ZNF169: variants seen among roughly 807,000 people sequenced by gnomAD.
The protein encoded by ZNF169 is zinc finger protein 169.
Under a neutral mutation model 12.0 loss-of-function variants are expected in ZNF169, and 11 were observed. That is an observed-to-expected ratio of 0.92 (90% CI 0.58 to 1.52). ZNF169 has a LOEUF of 1.52. Among genes scored for constraint, ZNF169 ranks in the 40% most tolerant of loss-of-function variants. ZNF169 has a pLI of 0.00. For synonymous variants in ZNF169, 302 were observed against 286.5 expected (o/e 1.05, Z -0.55); for missense variants, 722 against 744.0 (o/e 0.97, Z 0.34).
intron 1 of ZNF169, among the ~76,000 whole-genome samples, chr9:94,269,498 G>T (rs749103491): frequency 4.6e-5 from 7 of 152,174 alleles, no homozygotes; most frequent in Non-Finnish European, 7.3e-5. Flanking sequence ...TCACCCGGCA[G>T]CTGCTGGAAT....
chr9:94,284,281 CG>C (rs759002884), intron 2 of ZNF169, among the ~76,000 whole-genome samples: 4 of 151,554 alleles, frequency 2.6e-5, no homozygotes, highest in Non-Finnish European at 5.9e-5. Context: ...AAAAATTAGC[CG>C]GGCGTGGTGG....
chr9:94,300,207 T>G lies in ZNF169; in HGVS notation c.649T>G (p.Tyr217Asp), dbSNP rs1440805063. 1.2e-6 allele frequency: 2 copies of G among 1,613,992 alleles called. No individual in the cohort carries two copies. The highest frequency in any genetic ancestry group is 2.7e-5 in the African/African-American group (2 of 74,890). Residue 217 changes from tyrosine (Y) to aspartate (D), a missense_variant, in exon 5 of 5, where the codon TAT (tyrosine) becomes GAT (aspartate). Transcript: ENST00000395395. The part of the protein sequence containing the change: ...SESGAVIRGN[Y>D]RLGLSKKSSL... ...ATCTGGAGCAGTCATACGTGGAAAC[T>G]ATAGACTGGGACTTAGCAAAAAGTC...
At chr9:94,278,120 T>A (rs985190911) in intron 1 of ZNF169, among the ~76,000 whole-genome samples, 10 of 152,198 alleles carry the variant, frequency 6.6e-5, no homozygotes, top group African/African-American at 2.4e-4. Flanking sequence ...AATATTTTCA[T>A]TAAGAAAAAA....
At chr9:94,296,913 G>T in intron 4 of ZNF169, 1 of 435,836 alleles carries the variant, frequency 2.3e-6, no homozygotes, top group Admixed American at 2.5e-5. Flanking sequence ...CGAGTGTGGT[G>T]GTGCGCACCT....
At chr9:94,271,563 T>C (rs1383979593) in intron 1 of ZNF169, among the ~76,000 whole-genome samples, 4 of 151,688 alleles carry the variant, frequency 2.6e-5, no homozygotes, top group Non-Finnish European at 5.9e-5. Context: ...CTACTAAAAA[T>C]ACAAAAATTA....
chr9:94,301,461 T>C lies in ZNF169; in HGVS notation c.*91T>C, dbSNP rs1386171152. 1 of 1,450,844 alleles carries C rather than the reference T, an allele frequency of 6.9e-7. No individual in the cohort carries two copies. Among genetic ancestry groups the C allele is most frequent in the Non-Finnish European group, 9.1e-7 (1 of 1,099,770 alleles). The allele number at this position is 1,450,844 out of a possible 1,614,324, so 89.9% of individuals were successfully genotyped here. A position where few individuals can be genotyped will look rare whatever the true frequency, so the allele number is the denominator to read the frequency against. On this transcript the variant is annotated 3_prime_UTR_variant, in exon 5 of 5. Coordinates refer to ENST00000395395, the MANE Select transcript of ZNF169 (RefSeq NM_194320.4). ...TGGAATGGAAAAAAAAAAATGTTGC[T>C]TTCTTTCATCGATCATGAGATAGTT...
At chr9:94,265,261 C>A (rs1163231540) in intron 1 of ZNF169, among the ~76,000 whole-genome samples, 1 of 151,802 alleles carries the variant, frequency 6.6e-6, no homozygotes, top group African/African-American at 2.4e-5. Context: ...AGGGAGAAGG[C>A]CTGGGAATCA....
chr9:94,300,916 CAG>C lies in ZNF169; in HGVS notation c.1359_1360del (p.Lys456AlafsTer6), dbSNP rs753039366. 16 of 1,613,810 alleles carry C rather than the reference CAG, an allele frequency of 9.9e-6. No homozygotes were observed. Among genetic ancestry groups the C allele is most frequent in the East Asian group, 2.2e-5 (1 of 44,842 alleles). On this transcript the variant is annotated frameshift_variant, in exon 5 of 5. Coordinates refer to ENST00000395395, the MANE Select transcript of ZNF169 (RefSeq NM_194320.4). LOFTEE classifies it low-confidence loss of function (END_TRUNC). Reference sequence around the variant, plus strand: ...CTCATTGGACACCAGAGGACACACACAGGGGAGAAGCCCTACCTGTGCCCTGA... The same window carrying C: ...CTCATTGGACACCAGAGGACACACACGGGAGAAGCCCTACCTGTGCCCTGA...
chr9:94,286,232 G>A (rs1024773448), intron 2 of ZNF169, among the ~76,000 whole-genome samples: 1 of 152,196 alleles, frequency 6.6e-6, no homozygotes, highest in Non-Finnish European at 1.5e-5. Context: ...ACAGAGTCAT[G>A]TGTGACTGTT....
rs773919139 is a variant in ZNF169, at chr9:94,300,381, G to T, written c.823G>T (p.Ala275Ser). 3.6e-5 allele frequency: 58 copies of T among 1,612,212 alleles called. No individual in the cohort carries two copies. The East Asian group carries it at 9.2e-4, about 25-fold the overall frequency. ...GTGTGGGCGTCGGTTTAGCCAGAAG[G>T]CCTCCCTCTCCATACACCAGAGGAA... ...PECGRRFSQK[A>S]SLSIHQRKHS... is the part of the protein sequence containing the mutation. Residue 275 changes from alanine to serine, a missense_variant, in exon 5 of 5, where the codon GCC becomes TCC. Physicochemically the swap from Ala to Ser is moderately conservative, Grantham distance 99. Coordinates refer to ENST00000395395, the MANE Select transcript of ZNF169 (RefSeq NM_194320.4).
At chr9:94,270,918 T>TGA (rs370046749) in intron 1 of ZNF169, among the ~76,000 whole-genome samples, 659 of 14,074 alleles carry the variant, frequency 0.047, 56 homozygotes, top group Non-Finnish European at 0.065. Context: ...TTATATTATA[T>TGA]TATATATAAA....
intron 1 of ZNF169, among the ~76,000 whole-genome samples, chr9:94,277,522 G>A (rs1830545805): frequency 6.6e-6 from 1 of 152,170 alleles, no homozygotes; most frequent in African/African-American, 2.4e-5. Context: ...TTATGCCAGA[G>A]TCAGATTGGA....
In ZNF169 at chr9:94,299,879, C is replaced by T. The variant is rs1162593886; in HGVS notation, c.321C>T (p.Leu107=). 10 of 1,614,032 alleles carry T rather than the reference C, an allele frequency of 6.2e-6. No homozygotes were observed. In the South Asian group the frequency reaches 7.7e-5, roughly 12 times the overall value. The change falls in exon 5 of 5, where the codon CTC becomes CTT. Residue 107 remains leucine (L), a synonymous_variant. Transcript: ENST00000395395. ...HLVAFSSSQL[L]RQYALSGHPT... Reference sequence around the variant, plus strand: ...TGGCCTTTTCTAGCTCGCAGCTCCTCAGACAATATGCGCTAAGTGGCCATC... The same window carrying T: ...TGGCCTTTTCTAGCTCGCAGCTCCTTAGACAATATGCGCTAAGTGGCCATC...
chr9:94,268,127 C>A (rs1301810407), intron 1 of ZNF169, among the ~76,000 whole-genome samples: 1 of 151,988 alleles, frequency 6.6e-6, no homozygotes, highest in Non-Finnish European at 1.5e-5. Flanking sequence ...ACCTCGGCCT[C>A]CCAAAGTGCT....
chr9:94,291,753 G>C (rs1311959841), intron 2 of ZNF169, among the ~76,000 whole-genome samples: 1 of 152,166 alleles, frequency 6.6e-6, no homozygotes, highest in Non-Finnish European at 1.5e-5. Flanking sequence ...AAATTCTTAG[G>C]TGTAAATCTA....
At chr9:94,260,910 TC>T (rs1830194054) in intron 1 of ZNF169, among the ~76,000 whole-genome samples, 1 of 131,384 alleles carries the variant, frequency 7.6e-6, no homozygotes, top group Admixed American at 9.5e-5. Context: ...AACCACGGCC[TC>T]CCGGGTTCAA....
At chr9:94,295,446 T>C (rs778942266) in intron 4 of ZNF169, 5 of 152,210 alleles carry the variant, frequency 3.3e-5, no homozygotes, top group Non-Finnish European at 7.3e-5. Flanking sequence ...TGAAATTTGG[T>C]TAGTTTTGGC....
At position 94,300,157 on chromosome 9, in the gene ZNF169, T is replaced by C. The variant is rs751695534; in HGVS notation, c.599T>C (p.Met200Thr). 5 of 1,613,978 alleles carry C rather than the reference T, an allele frequency of 3.1e-6. No individual in the cohort carries two copies. Among genetic ancestry groups the C allele is most frequent in the Non-Finnish European group, 4.2e-6 (5 of 1,179,992 alleles). Residue 200 changes from methionine to threonine, a missense_variant, in exon 5 of 5, where the codon ATG becomes ACG. Transcript: ENST00000395395. ...ATGAGTCTTGGGGGGTCAGACACAATGTTGAAGGGAGCAGACACTTCAGAA... is the reference window on the plus strand; with the variant it reads ...ATGAGTCTTGGGGGGTCAGACACAACGTTGAAGGGAGCAGACACTTCAGAA... ...QRMSLGGSDT[M>T]LKGADTSESG...
At chr9:94,299,326 C>G (rs534658931) in intron 4 of ZNF169, 2 of 404,878 alleles carry the variant, frequency 4.9e-6, no homozygotes, top group African/African-American at 4.1e-5. Context: ...TTATCTGATT[C>G]GTGGGTGCCC....
Sources: gnomAD v4.1 joint callset for allele counts (sites outside exome capture counted in the v4.1 genomes callset) on GRCh38, gnomAD v4.1.1 for gene constraint, MANE v1.5 for transcripts, NCBI Gene and HGNC (gene_info 2026-07-23, HGNC 2026-07-21) for gene names.